Variants in WDR18 observed in about 807,000 individuals in gnomAD.
WDR18 encodes the protein WD repeat domain 18.
WDR18 carries 33 observed loss-of-function variants against 49.6 expected under a neutral mutation model. That is an observed-to-expected ratio of 0.67 (90% CI 0.50 to 0.89). WDR18 has a LOEUF of 0.89. Ranked by LOEUF, WDR18 falls within the 40% of genes least tolerant of loss-of-function variation. WDR18 has a pLI of 0.00. For missense variants in WDR18, 653 were observed against 593.6 expected, an observed-to-expected ratio of 1.10 and a Z score of -1.04; for synonymous variants, 315 against 263.6, an observed-to-expected ratio of 1.19 and a Z score of -1.89.
Position 990,985 on chromosome 19 carries a change from T to G in WDR18, c.731T>G (p.Leu244Arg), listed in dbSNP as rs113727633. 6.2e-7 allele frequency: 1 copy of G among 1,608,730 alleles called. No individual in the cohort carries two copies. The highest frequency in any genetic ancestry group is 8.5e-7 in the Non-Finnish European group (1 of 1,177,604). Reference protein sequence around the residue: ...GSEGSIFQVDLFTWPGQRERS... With the variant: ...GSEGSIFQVDRFTWPGQRERS... ...GAGGGCTCCATCTTCCAGGTCGACC[T>G]CTTCACCTGGGTGAGTGCCGCGGTC... Residue 244 changes from leucine to arginine, a missense_variant, in exon 5 of 10, where the codon CTC (leucine) becomes CGC (arginine). Transcript: ENST00000585809.
At chr19:985,192 G>A (rs1289926069) in intron 1 of WDR18, among the ~76,000 whole-genome samples, 1 of 152,138 alleles carries the variant, frequency 6.6e-6, no homozygotes, top group African/African-American at 2.4e-5. Context: ...TTGAGACAGG[G>A]TCTCACTCTG....
Position 989,831 on chromosome 19 carries a change from G to C in WDR18, c.391G>C (p.Gly131Arg). ...GGACGTCTCCTGCCTTCAGTTCACA[G>C]GGGACAGCAGCCACTTCATCTCAGG... is the stretch of plus-strand genomic sequence containing the variant. Reference protein sequence around the residue: ...YQDVSCLQFTGDSSHFISGGK... With the variant: ...YQDVSCLQFTRDSSHFISGGK... Residue 131 changes from glycine to arginine, a missense_variant, in exon 3 of 10, where the codon GGG (glycine) becomes CGG (arginine). Coordinates refer to ENST00000585809, the MANE Select transcript of WDR18 (RefSeq NM_024100.4). 1 of 1,612,804 alleles carries C rather than the reference G, an allele frequency of 6.2e-7. No individual in the cohort carries two copies. Among genetic ancestry groups the C allele is most frequent in the Admixed American group, 1.7e-5 (1 of 59,996 alleles).
chr19:984,088 C>T (rs1386120639), upstream of WDR18, among the ~76,000 whole-genome samples: 1 of 152,204 alleles, frequency 6.6e-6, no homozygotes, highest in African/African-American at 2.4e-5. Flanking sequence ...GTCAGGTACC[C>T]CGGCTCTAGA....
chr19:986,148 C>T (rs946930773), intron 2 of WDR18, among the ~76,000 whole-genome samples, 173 bp downstream of exon 2: 15 of 152,172 alleles, frequency 9.9e-5, no homozygotes, highest in Non-Finnish European at 1.5e-5. Context: ...CCCCTCGAGA[C>T]TTGCGAATCC....
Position 991,065 on chromosome 19 carries a change from G to A in WDR18, c.742-16G>A. 6.2e-7 allele frequency: 1 copy of A among 1,603,924 alleles called. No individual in the cohort carries two copies. Among genetic ancestry groups the A allele is most frequent in the Non-Finnish European group, 8.5e-7 (1 of 1,175,122 alleles). ...GGCATCGGGCCTGCGGCTCACACACGTCTCGGCCTTCGCAGCCCGGACAGA... is the reference window on the plus strand; with the variant it reads ...GGCATCGGGCCTGCGGCTCACACACATCTCGGCCTTCGCAGCCCGGACAGA... On this transcript the variant is annotated splice_polypyrimidine_tract_variant and intron_variant, in intron 5 of 9. Transcript: ENST00000585809.
Position 994,246 on chromosome 19 carries a change from C to A in WDR18, c.1201C>A (p.Arg401Ser). 1.9e-6 allele frequency: 3 copies of A among 1,607,686 alleles called. No individual in the cohort carries two copies. The highest frequency in any genetic ancestry group is 2.5e-6 in the Non-Finnish European group (3 of 1,178,272). ...VLGGQDQLRVRVTELEDEVRN... is the reference protein window; with the variant it reads ...VLGGQDQLRVSVTELEDEVRN... ...CGGCGGCCAGGACCAGCTGCGCGTCCGTGTGACGGAGCTGGAGGACGAGGT... is the reference window on the plus strand; with the variant it reads ...CGGCGGCCAGGACCAGCTGCGCGTCAGTGTGACGGAGCTGGAGGACGAGGT... The change falls in exon 10 of 10, where the codon CGT (arginine) becomes AGT (serine). Residue 401 changes from arginine to serine, a missense_variant. Physicochemically the swap from Arg to Ser is moderately radical, Grantham distance 110. Transcript: ENST00000585809.
In WDR18 at chr19:989,203, G is replaced by A. The variant is rs546363243; in HGVS notation, c.322-559G>A. ...GTCCTCGAACCCACAACCCCCCCCAGAGCATCTCAGCCCTCGAACCCACAA... is the reference window on the plus strand; with the variant it reads ...GTCCTCGAACCCACAACCCCCCCCAAAGCATCTCAGCCCTCGAACCCACAA... On this transcript the variant is annotated intron_variant, in intron 2 of 9. Coordinates refer to ENST00000585809, the MANE Select transcript of WDR18 (RefSeq NM_024100.4). 4.2e-5 allele frequency among the ~76,000 whole-genome samples: 6 copies of A among 143,178 alleles called. No individual in the cohort carries two copies. The South Asian group carries it at 9.1e-4, about 22-fold the overall frequency. 93.9% of individuals were successfully genotyped at this position (143,178 alleles called of 152,430 possible).
In WDR18 at chr19:994,276, A is replaced by T; in HGVS notation, c.1231A>T (p.Asn411Tyr). ...RVTELEDEVR[N>Y]LRKINRDLFD... is the part of the protein sequence containing the mutation. ...GACGGAGCTGGAGGACGAGGTGCGC[A>T]ACCTGCGCAAGATCAATCGGGACCT... The change falls in exon 10 of 10, where the codon AAC (asparagine) becomes TAC (tyrosine). Residue 411 changes from asparagine (N) to tyrosine (Y), a missense_variant. Coordinates refer to ENST00000585809, the MANE Select transcript of WDR18 (RefSeq NM_024100.4). The T allele has an allele frequency of 6.2e-7, 1 of 1,610,398 alleles. No individual in the cohort carries two copies.
chr19:992,128 C>A lies in WDR18; in HGVS notation c.1098+7C>A. ...CCTGGGCCTCCACCAGCAGGTACGGCCCCCAGCAGGGAACCCCCACTGCCC... is the reference window on the plus strand; with the variant it reads ...CCTGGGCCTCCACCAGCAGGTACGGACCCCAGCAGGGAACCCCCACTGCCC... On this transcript the variant is annotated splice_region_variant and intron_variant, in intron 8 of 9. Coordinates refer to ENST00000585809, the MANE Select transcript of WDR18 (RefSeq NM_024100.4). 2 of 1,453,698 alleles carry A rather than the reference C, an allele frequency of 1.4e-6. No individual in the cohort carries two copies. The highest frequency in any genetic ancestry group is 1.5e-5 in the African/African-American group (1 of 67,472). 90.0% of individuals were successfully genotyped at this position (1,453,698 alleles called of 1,614,324 possible). A position where few individuals can be genotyped will look rare whatever the true frequency, so the allele number is the denominator to read the frequency against.
At chr19:986,059 T>C (rs2145502634) in intron 2 of WDR18, 84 bp downstream of exon 2, 2 of 1,359,864 alleles carry the variant, frequency 1.5e-6, no homozygotes, top group Non-Finnish European at 2.1e-6. Flanking sequence ...GGAACAACCA[T>C]GCGGCCTGGG....
intron 7 of WDR18, 149 bp from the exon 8 acceptor site, chr19:991,806 C>A: frequency 1.6e-6 from 1 of 639,236 alleles, no homozygotes; most frequent in Non-Finnish European, 2.1e-6. Flanking sequence ...GTGGACTGGT[C>A]GTGGGGCGGG....
rs147762569 is a variant in WDR18, at chr19:990,295, G to A, written c.528G>A (p.Thr176=). 9.3e-5 allele frequency: 148 copies of A among 1,598,520 alleles called. No homozygotes were observed. Among genetic ancestry groups the A allele is most frequent in the East Asian group, 2.7e-4 (12 of 44,790 alleles). The change falls in exon 4 of 10, where the codon ACG becomes ACA. Residue 176 remains threonine (T), a synonymous_variant. Transcript: ENST00000585809. ...GGTCTCACCACGCGCTCCCCATCAC[G>A]GACCTGCACTGCGGCTTTGGGGGCC... ...HVWSHHALPI[T]DLHCGFGGPL...
rs1233635523 is a variant in WDR18, at chr19:984,452, C to T, written c.99C>T (p.Thr33=). 1 of 1,595,934 alleles carries T rather than the reference C, an allele frequency of 6.3e-7. No homozygotes were observed. ...WELHSGANLL[T]YRGGQAGPRG... ...TTCACTCGGGCGCCAACCTGCTCAC[C>T]TACCGCGGCGGCCAGGCGGGACCCC... Residue 33 remains threonine, a synonymous_variant, in exon 1 of 10, where the codon ACC becomes ACT. Coordinates refer to ENST00000585809, the MANE Select transcript of WDR18 (RefSeq NM_024100.4).
chr19:990,296 G>T lies in WDR18; in HGVS notation c.529G>T (p.Asp177Tyr). ...VWSHHALPIT[D>Y]LHCGFGGPLA... ...GTCTCACCACGCGCTCCCCATCACG[G>T]ACCTGCACTGCGGCTTTGGGGGCCC... is the stretch of plus-strand genomic sequence containing the variant. The change falls in exon 4 of 10, where the codon GAC (aspartate) becomes TAC (tyrosine). Residue 177 changes from aspartate (D) to tyrosine (Y), a missense_variant. Coordinates refer to ENST00000585809, the MANE Select transcript of WDR18 (RefSeq NM_024100.4). The T allele has an allele frequency of 1.3e-6, 2 of 1,598,752 alleles. No homozygotes were observed. The highest frequency in any genetic ancestry group is 2.7e-5 in the African/African-American group (2 of 74,958).
At position 991,010 on chromosome 19, in the gene WDR18, C is replaced by G; in HGVS notation, c.741+15C>G. ...TCTTCACCTGGGTGAGTGCCGCGGT[C>G]TGCGGGCTGCACCCTGCCCTGGGGC... On this transcript the variant is annotated intron_variant, in intron 5 of 9. Transcript: ENST00000585809. The G allele has an allele frequency of 6.2e-7, 1 of 1,603,108 alleles. No individual in the cohort carries two copies. The highest frequency in any genetic ancestry group is 1.7e-5 in the Admixed American group (1 of 59,260).
At chr19:993,758 A>AC (rs373038165) in intron 8 of WDR18, among the ~76,000 whole-genome samples, 221 of 151,964 alleles carry the variant, frequency 1.5e-3, no homozygotes, top group African/African-American at 4.8e-3. Context: ...GGCCATCTGC[A>AC]CCCCCATCCC....
chr19:987,140 C>T (rs532121737), intron 2 of WDR18, among the ~76,000 whole-genome samples: 1 of 152,144 alleles, frequency 6.6e-6, no homozygotes, highest in South Asian at 2.1e-4. Context: ...GCCAGGAGTT[C>T]AAGACTAGCC....
At chr19:994,159 C>T in intron 9 of WDR18, 54 bp from the exon 10 acceptor site, 1 of 1,553,716 alleles carries the variant, frequency 6.4e-7, no homozygotes, top group Non-Finnish European at 8.7e-7. Context: ...TGAGTGGCCC[C>T]CCTCCAGCAC....
chr19:992,518 G>T (rs376143036), intron 8 of WDR18, among the ~76,000 whole-genome samples: 6 of 152,242 alleles, frequency 3.9e-5, no homozygotes, highest in Admixed American at 1.3e-4. Context: ...GGCAGGGAGC[G>T]GGTGGGGCCC....
Sources: gnomAD v4.1 joint callset for allele counts (sites outside exome capture counted in the v4.1 genomes callset) on GRCh38, gnomAD v4.1.1 for gene constraint, MANE v1.5 for transcripts, NCBI Gene and HGNC (gene_info 2026-07-23, HGNC 2026-07-21) for gene names.